Variants in DIPK1C observed in about 807,000 individuals in gnomAD.
DIPK1C encodes the protein familial non-conventional Alzheimer's dementia.
DIPK1C carries 33 observed loss-of-function variants against 28.0 expected under a neutral mutation model. The ratio of observed to expected loss-of-function variants is 1.18; its 90% CI spans 0.89 to 1.58. The LOEUF (loss-of-function observed/expected upper bound fraction) is 1.58, where lower values mean the gene tolerates loss of function less well. Among genes scored for constraint, DIPK1C ranks in the 40% most tolerant of loss-of-function variants. The pLI, the probability that DIPK1C is intolerant of heterozygous loss-of-function variation, is 0.00. For synonymous variants in DIPK1C, 255 were observed against 248.8 expected, an observed-to-expected ratio of 1.02 and a Z score of -0.23; for missense variants, 569 against 568.5, an observed-to-expected ratio of 1.00 and a Z score of -0.01.
chr18:74,438,787 C>G (rs1986054282), intron 3 of DIPK1C, among the ~76,000 whole-genome samples: 1 of 152,204 alleles, frequency 6.6e-6, no homozygotes, highest in African/African-American at 2.4e-5. Flanking sequence ...CCTTGAGAAC[C>G]ACACTCCATG....
intron 3 of DIPK1C, 98 bp downstream of exon 3, chr18:74,441,854 G>C (rs971794138): frequency 7.6e-7 from 1 of 1,324,202 alleles, no homozygotes; most frequent in African/African-American, 1.5e-5. Context: ...GGCCTGAAAA[G>C]GTCGACCTTG....
chr18:74,439,122 T>C (rs1986063205), intron 3 of DIPK1C, among the ~76,000 whole-genome samples: 1 of 152,224 alleles, frequency 6.6e-6, no homozygotes, highest in Non-Finnish European at 1.5e-5. Context: ...TTTTGTTTTT[T>C]TTTTTCTGAA....
chr18:74,455,825 T>C (rs1986499498), intron 1 of DIPK1C, among the ~76,000 whole-genome samples: 1 of 151,936 alleles, frequency 6.6e-6, no homozygotes, highest in Admixed American at 6.6e-5. Context: ...ATAGAATCTA[T>C]GAGTGACTCA....
At position 74,446,496 on chromosome 18, in the gene DIPK1C, A is replaced by G. The variant is rs888797634; in HGVS notation, c.876+110T>C. 3.8e-5 allele frequency: 42 copies of G among 1,116,724 alleles called. 1 individual carries two copies. Among genetic ancestry groups the G allele is most frequent in the Non-Finnish European group, 3.1e-5 (26 of 844,748 alleles). The allele number at this position is 1,116,724 out of a possible 1,614,324, so 69.2% of individuals were successfully genotyped here. ...GGAGTTCTCTAAGGCTGCAGAAGCA[A>G]CAGTAGTTTGCTAACTCAGGCCAGG... On this transcript the variant is annotated intron_variant, in intron 2 of 3. Coordinates refer to ENST00000343998, the MANE Select transcript of DIPK1C (RefSeq NM_001044369.3).
intron 2 of DIPK1C, among the ~76,000 whole-genome samples, chr18:74,443,065 G>C (rs549573927): frequency 6.6e-6 from 1 of 152,278 alleles, no homozygotes; most frequent in South Asian, 2.1e-4. Context: ...CAAAGTTATC[G>C]AATTAGGACT....
chr18:74,440,770 T>G (rs1470459337), intron 3 of DIPK1C, among the ~76,000 whole-genome samples: 1 of 152,222 alleles, frequency 6.6e-6, no homozygotes, highest in Non-Finnish European at 1.5e-5. Flanking sequence ...AGGGTTGGGA[T>G]CGCAAGGCGG....
At chr18:74,462,388 C>T (rs1269853467), upstream of DIPK1C, among the ~76,000 whole-genome samples, 2 of 152,176 alleles carry the variant, frequency 1.3e-5, no homozygotes, top group African/African-American at 2.4e-5. Flanking sequence ...CAGGGTCATC[C>T]GTCTTGCACC....
At chr18:74,462,906 A>G (rs1445140602), upstream of DIPK1C, among the ~76,000 whole-genome samples, 1 of 152,238 alleles carries the variant, frequency 6.6e-6, no homozygotes, top group Non-Finnish European at 1.5e-5. Flanking sequence ...TTAAGTAATC[A>G]TTCTTTCGTT....
At chr18:74,464,461 C>A in the DIPK1C span, among the ~76,000 whole-genome samples, 1 of 152,230 alleles carries the variant, frequency 6.6e-6, no homozygotes, top group Non-Finnish European at 1.5e-5. Context: ...CATCCTCCCC[C>A]ACATCAACAT....
upstream of DIPK1C, among the ~76,000 whole-genome samples, chr18:74,460,772 GTTCA>G (rs905385608): frequency 1.3e-5 from 2 of 152,200 alleles, no homozygotes; most frequent in African/African-American, 2.4e-5. Flanking sequence ...CTTGATAGGA[GTTCA>G]TTCATTCATT....
chr18:74,444,796 G>A (rs1443799441), intron 2 of DIPK1C, among the ~76,000 whole-genome samples: 3 of 152,242 alleles, frequency 2.0e-5, no homozygotes, highest in South Asian at 2.1e-4. Context: ...AGCCCTGAGC[G>A]GTGCAGCACC....
At chr18:74,441,674 A>G (rs1986127172) in intron 3 of DIPK1C, among the ~76,000 whole-genome samples, 1 of 152,166 alleles carries the variant, frequency 6.6e-6, no homozygotes, top group African/African-American at 2.4e-5. Flanking sequence ...GGTTGTAGAT[A>G]CGTGGGGTGG....
intron 3 of DIPK1C, among the ~76,000 whole-genome samples, chr18:74,440,569 GATAAA>G (rs1263370778): frequency 6.6e-6 from 1 of 152,222 alleles, no homozygotes; most frequent in Non-Finnish European, 1.5e-5. Context: ...TGAATGGTAA[GATAAA>G]ATACTTTTCC....
upstream of DIPK1C, among the ~76,000 whole-genome samples, chr18:74,458,287 A>G (rs1986563343): frequency 6.6e-6 from 1 of 152,166 alleles, no homozygotes; most frequent in Non-Finnish European, 1.5e-5. Flanking sequence ...TCACTGAACA[A>G]AAGCTTATTC....
the DIPK1C span, among the ~76,000 whole-genome samples, chr18:74,463,199 G>A: frequency 6.6e-6 from 1 of 152,196 alleles, no homozygotes; most frequent in Non-Finnish European, 1.5e-5. Flanking sequence ...GAAGGCCTGG[G>A]AAGTGGAAAA....
chr18:74,454,736 TCAGCC>T (rs1986468620), intron 1 of DIPK1C, among the ~76,000 whole-genome samples: 1 of 152,200 alleles, frequency 6.6e-6, no homozygotes, highest in Non-Finnish European at 1.5e-5. Context: ...ACTTGGCAAC[TCAGCC>T]CAGCAGAGTT....
chr18:74,442,494 A>G (rs1986159675), intron 2 of DIPK1C, among the ~76,000 whole-genome samples: 1 of 151,632 alleles, frequency 6.6e-6, no homozygotes, highest in Admixed American at 6.6e-5. Flanking sequence ...ACACCCGGCT[A>G]ATTTTTTTGT....
intron 1 of DIPK1C, among the ~76,000 whole-genome samples, chr18:74,455,737 A>AAAAAG (rs1555699591): frequency 3.2e-5 from 4 of 126,284 alleles, no homozygotes; most frequent in African/African-American, 1.2e-4. Context: ...AAAAAAAAAG[A>AAAAAG]AAAAGAAAAA....
At chr18:74,457,410 G>GCCCC, upstream of DIPK1C, 2 of 469,932 alleles carry the variant, frequency 4.3e-6, no homozygotes, top group Non-Finnish European at 2.8e-6. Context: ...GCCTGGGGCG[G>GCCCC]AGGTGCGGGG....
Sources: gnomAD v4.1 joint callset for allele counts (sites outside exome capture counted in the v4.1 genomes callset) on GRCh38, gnomAD v4.1.1 for gene constraint, MANE v1.5 for transcripts, NCBI Gene and HGNC (gene_info 2026-07-23, HGNC 2026-07-21) for gene names.